KLHL15: variants seen among roughly 807,000 people sequenced by gnomAD.
KLHL15 encodes kelch-like protein 15.
In KLHL15, 1 loss-of-function variant was observed where a neutral mutation model predicts 29.3. The observed-to-expected ratio is 0.03, with a 90% confidence interval of 0.01 to 0.16. KLHL15 has a LOEUF of 0.16. Among genes scored for constraint, KLHL15 ranks in the 10% least tolerant of loss-of-function variants. The pLI is 1.00. For missense variants in KLHL15, 215 were observed against 478.5 expected (o/e 0.45, Z 5.14); for synonymous variants, 212 against 184.5 (o/e 1.15, Z -1.21).
At chrX:24,003,761 G>A (rs140193261) in intron 3 of KLHL15, among the ~76,000 whole-genome samples, 244 of 105,423 alleles carry the variant, frequency 2.3e-3, no homozygotes, top group African/African-American at 8.0e-3. Context: ...TGGCCTCTTC[G>A]ATGATGGTCC....
chrX:24,003,919 C>CA (rs1358005673), intron 3 of KLHL15, among the ~76,000 whole-genome samples: 6 of 78,598 alleles, frequency 7.6e-5, no homozygotes, highest in African/African-American at 2.0e-4. Context: ...CCTATCTCTA[C>CA]AAAAAAAAGT....
At position 23,987,947 on chromosome X, in the gene KLHL15, G is replaced by A. The variant is rs1226964499; in HGVS notation, c.1789C>T (p.Leu597=). 1 of 1,207,253 alleles carries A rather than the reference G, an allele frequency of 8.3e-7. No homozygotes were observed. Among genetic ancestry groups the A allele is most frequent in the Non-Finnish European group, 1.1e-6 (1 of 893,766 alleles). The change falls in exon 4 of 4, where the codon CTG becomes TTG. Residue 597 remains leucine (L), a synonymous_variant. Coordinates refer to ENST00000328046, the MANE Select transcript of KLHL15 (RefSeq NM_030624.3). ...TAGTTGCAACGCCTGACCTCATCCA[G>A]TACATAGTCCGGAAAATGCAGGTTG... The part of the protein sequence containing the change: ...VCNLHFPDYV[L]DEVRRCN
Position 23,988,925 on chromosome X carries a change from T to C in KLHL15, c.811A>G (p.Lys271Glu). 2 of 1,211,854 alleles carry C rather than the reference T, an allele frequency of 1.7e-6. No individual in the cohort carries two copies. The highest frequency in any genetic ancestry group is 2.2e-6 in the Non-Finnish European group (2 of 895,525). ...TTTGCAGAACGGATGCGGCTTGACT[T>C]CATATCCAACAAAGGCTGCTGGTGA... ...NVHQQPLLDM[K>E]SSRIRSAKPQ... The change falls in exon 4 of 4, where the codon AAG becomes GAG. Residue 271 changes from lysine to glutamate, a missense_variant. Physicochemically the swap from Lys to Glu is moderately conservative, Grantham distance 56. Coordinates refer to ENST00000328046, the MANE Select transcript of KLHL15 (RefSeq NM_030624.3).
chrX:24,003,307 A>G (rs1929368842), intron 3 of KLHL15, among the ~76,000 whole-genome samples: 1 of 110,186 alleles, frequency 9.1e-6, no homozygotes, highest in Non-Finnish European at 1.9e-5. Flanking sequence ...GCATTTTGGG[A>G]GGCCGAGGCA....
At chrX:24,012,668 G>A (rs1929599332) in intron 2 of KLHL15, among the ~76,000 whole-genome samples, 1 of 111,727 alleles carries the variant, frequency 9.0e-6, no homozygotes, top group Non-Finnish European at 1.9e-5. Flanking sequence ...CAACTGCCTA[G>A]GAGACAATTC....
At chrX:24,004,714 T>C (rs781089257) in intron 3 of KLHL15, among the ~76,000 whole-genome samples, 1 of 105,721 alleles carries the variant, frequency 9.5e-6, no homozygotes, top group East Asian at 3.0e-4. Context: ...CGCTTGAACC[T>C]GGGAGGCAGA....
chrX:24,006,779 T>C, intron 2 of KLHL15, 79 bp from the exon 3 acceptor site: 8 of 803,284 alleles, frequency 1.0e-5, no homozygotes, highest in Middle Eastern at 6.9e-4. Flanking sequence ...TTTTAACAAT[T>C]TTTGCTATTA....
At chrX:24,007,033 T>TA (rs1391115223) in intron 2 of KLHL15, among the ~76,000 whole-genome samples, 24 of 101,240 alleles carry the variant, frequency 2.4e-4, no homozygotes, top group South Asian at 1.3e-3. Context: ...ATAATAACAA[T>TA]AAAAAAAAAA....
chrX:24,011,825 T>A (rs1929580617), intron 2 of KLHL15, among the ~76,000 whole-genome samples: 1 of 106,838 alleles, frequency 9.4e-6, no homozygotes, highest in Non-Finnish European at 1.9e-5. Context: ...AAAGAAAAAG[T>A]CTAAAAGGAT....
chrX:24,006,912 A>G (rs111390979), intron 2 of KLHL15, among the ~76,000 whole-genome samples: 1,133 of 111,888 alleles, frequency 0.01, 19 homozygotes, highest in African/African-American at 0.035. Context: ...AGATACATCA[A>G]TAGTTCATGC....
chrX:23,985,848 A>G lies in KLHL15; in HGVS notation c.*2073T>C. The stretch of plus-strand genomic sequence containing the variant: ...ATGAAGACGTTATTTTCTTTAAAGC[A>G]AAATAGCACACATACAAAGCCACTA... On this transcript the variant is annotated 3_prime_UTR_variant, in exon 4 of 4. Coordinates refer to ENST00000328046, the MANE Select transcript of KLHL15 (RefSeq NM_030624.3). 1 of 112,252 alleles carries G rather than the reference A, an allele frequency of 8.9e-6. No individual in the cohort carries two copies. The highest frequency in any genetic ancestry group is 2.8e-4 in the East Asian group (1 of 3,622). The allele number at this position is 112,252 out of a possible 1,213,427, so 9.3% of individuals were successfully genotyped here.
chrX:24,024,097 G>A (rs1289635196), intron 2 of KLHL15, among the ~76,000 whole-genome samples: 1 of 111,996 alleles, frequency 8.9e-6, no homozygotes, highest in African/African-American at 3.2e-5. Context: ...AAGCGGCCTA[G>A]AACGATGAAA....
chrX:24,020,200 T>A (rs941036322), intron 2 of KLHL15, among the ~76,000 whole-genome samples: 1 of 112,504 alleles, frequency 8.9e-6, no homozygotes, highest in Non-Finnish European at 1.9e-5. Context: ...AGTCATAACA[T>A]TTCTCACTTC....
At chrX:24,026,915 C>T (rs1929944446) in intron 1 of KLHL15, among the ~76,000 whole-genome samples, 1 of 112,301 alleles carries the variant, frequency 8.9e-6, no homozygotes, top group Admixed American at 9.5e-5. Context: ...ATTTAAAAAT[C>T]CCTGCTTGCC....
chrX:24,003,647 A>ATGTGTGTGTG, intron 3 of KLHL15, among the ~76,000 whole-genome samples: 1 of 96,481 alleles, frequency 1.0e-5, no homozygotes, highest in Admixed American at 1.1e-4. Context: ...GCATAAATAT[A>ATGTGTGTGTG]TGTGTGTGTG....
intron 1 of KLHL15, among the ~76,000 whole-genome samples, chrX:24,026,579 C>G (rs1364102619): frequency 2.9e-5 from 3 of 101,835 alleles, no homozygotes; most frequent in Non-Finnish European, 6.0e-5. Context: ...ACCCCCACCC[C>G]CCGCCGCCAT....
chrX:24,022,857 A>ATAGAG (rs1352505287), intron 2 of KLHL15, among the ~76,000 whole-genome samples: 2 of 107,206 alleles, frequency 1.9e-5, no homozygotes, highest in Non-Finnish European at 3.8e-5. Context: ...GTAGCTGGGA[A>ATAGAG]TAGAGTAGCT....
rs765996122 is a variant in KLHL15, at chrX:23,984,875, G to C, written c.*3046C>G. The stretch of plus-strand genomic sequence containing the variant: ...AGGTGCTGCTTTAGAAAAGATAAGT[G>C]AAGGGCTCAGTCAGTATTTCACAAA... On this transcript the variant is annotated 3_prime_UTR_variant, in exon 4 of 4. Transcript: ENST00000328046. 1.8e-5 allele frequency: 2 copies of C among 112,361 alleles called. No homozygotes were observed. The highest frequency in any genetic ancestry group is 1.9e-4 in the Admixed American group (2 of 10,487). 9.3% of individuals were successfully genotyped at this position (112,361 alleles called of 1,213,427 possible). A position where few individuals can be genotyped will look rare whatever the true frequency, so the allele number is the denominator to read the frequency against.
At chrX:24,023,705 G>C (rs1266728241) in intron 2 of KLHL15, among the ~76,000 whole-genome samples, 1 of 112,123 alleles carries the variant, frequency 8.9e-6, no homozygotes, top group East Asian at 2.8e-4. Flanking sequence ...GCAATGAAGA[G>C]TGCAAGTTAA....
Sources: gnomAD v4.1 joint callset for allele counts (sites outside exome capture counted in the v4.1 genomes callset) on GRCh38, gnomAD v4.1.1 for gene constraint, MANE v1.5 for transcripts, NCBI Gene and HGNC (gene_info 2026-07-23, HGNC 2026-07-21) for gene names.